The following CFDP1 variants were observed in gnomAD, a reference collection of about 807,000 sequenced individuals.
CFDP1 encodes the protein heterochromatin-stabilizing protein CFDP1.
Under a neutral mutation model 40.1 loss-of-function variants are expected in CFDP1, and 31 were observed. The observed-to-expected ratio is 0.77, with a 90% CI of 0.58 to 1.04. The LOEUF is 1.04. CFDP1 is among the 50% of genes least tolerant of loss of function. The pLI is 0.00. For missense variants in CFDP1, 423 were observed against 343.4 expected, an observed-to-expected ratio of 1.23 and a Z score of -1.83; for synonymous variants, 167 against 120.0, an observed-to-expected ratio of 1.39 and a Z score of -2.56.
chr16:75,351,931 C>T (rs369893067), intron 5 of CFDP1, among the ~76,000 whole-genome samples: 3 of 145,762 alleles, frequency 2.1e-5, no homozygotes, highest in African/African-American at 7.7e-5. Flanking sequence ...TCACTTGAAC[C>T]CGGGAGGTAG....
intron 5 of CFDP1, among the ~76,000 whole-genome samples, chr16:75,370,893 A>C (rs2078746783): frequency 6.6e-6 from 1 of 152,196 alleles, no homozygotes; most frequent in South Asian, 2.1e-4. Flanking sequence ...AAAAACTTAA[A>C]GATCCATTTG....
intron 5 of CFDP1, among the ~76,000 whole-genome samples, chr16:75,377,334 G>A (rs1399270196): frequency 1.3e-5 from 2 of 152,172 alleles, no homozygotes; most frequent in African/African-American, 4.8e-5. Flanking sequence ...ATTGAAGTGT[G>A]GAGTATAATT....
intron 5 of CFDP1, among the ~76,000 whole-genome samples, chr16:75,354,118 T>C (rs987538831): frequency 7.2e-5 from 11 of 152,224 alleles, no homozygotes; most frequent in African/African-American, 1.4e-4. Flanking sequence ...TATTATAAAA[T>C]AGACTTTGTG....
At chr16:75,427,564 T>A (rs1211714760) in intron 1 of CFDP1, among the ~76,000 whole-genome samples, 9 of 152,128 alleles carry the variant, frequency 5.9e-5, no homozygotes, top group Non-Finnish European at 1.3e-4. Flanking sequence ...AATTAGCTAA[T>A]ATTTAAAACA....
chr16:75,322,949 C>A (rs4888381), intron 5 of CFDP1, among the ~76,000 whole-genome samples: 129,145 of 152,082 alleles, frequency 0.85, 54,970 homozygotes, highest in Middle Eastern at 0.91. Context: ...GTGAATGTGA[C>A]GGCCAAGGAC....
chr16:75,376,844 G>A (rs1052188625), intron 5 of CFDP1, among the ~76,000 whole-genome samples: 1 of 152,202 alleles, frequency 6.6e-6, no homozygotes, highest in Admixed American at 6.5e-5. Flanking sequence ...CCTTCCCAGA[G>A]CAATGACCTG....
At chr16:75,414,529 G>A in intron 2 of CFDP1, 49 bp downstream of exon 2, 1 of 1,078,702 alleles carries the variant, frequency 9.3e-7, no homozygotes, top group East Asian at 2.4e-5. Flanking sequence ...CAATCAGGAT[G>A]GTTGTGACAA....
intron 5 of CFDP1, among the ~76,000 whole-genome samples, chr16:75,364,689 T>C (rs1008767534): frequency 1.3e-5 from 2 of 152,256 alleles, no homozygotes; most frequent in African/African-American, 4.8e-5. Flanking sequence ...TTGGAAAATA[T>C]ACTTATTTTT....
chr16:75,367,676 C>A (rs1288652132), intron 5 of CFDP1, among the ~76,000 whole-genome samples: 3 of 151,470 alleles, frequency 2.0e-5, no homozygotes, highest in Non-Finnish European at 4.4e-5. Context: ...GCCTGAAATC[C>A]CAGCTACTCA....
chr16:75,337,660 T>TGGGTG (rs1567649830), intron 5 of CFDP1, among the ~76,000 whole-genome samples: 1 of 152,004 alleles, frequency 6.6e-6, no homozygotes. Flanking sequence ...ACGTCTTACA[T>TGGGTG]GGGTGGCGCA....
intron 1 of CFDP1, among the ~76,000 whole-genome samples, chr16:75,427,146 G>C (rs897490173): frequency 1.3e-5 from 2 of 151,402 alleles, no homozygotes; most frequent in East Asian, 3.9e-4. Context: ...AATGGACAAA[G>C]AATTCAAAAG....
chr16:75,328,590 ACT>A (rs2078421216), intron 5 of CFDP1, among the ~76,000 whole-genome samples: 1 of 130,978 alleles, frequency 7.6e-6, no homozygotes, highest in African/African-American at 3.0e-5. Flanking sequence ...CAAGAATGAA[ACT>A]CTGTCTTAAA....
chr16:75,393,716 C>T (rs1213095888), intron 5 of CFDP1, among the ~76,000 whole-genome samples: 1 of 115,530 alleles, frequency 8.7e-6, no homozygotes, highest in Non-Finnish European at 1.7e-5. Flanking sequence ...CCGGCCTGGG[C>T]GACAGAGCGA....
At chr16:75,407,654 C>CAAAAAAAAAAAAAAA in intron 4 of CFDP1, among the ~76,000 whole-genome samples, 1 of 116,794 alleles carries the variant, frequency 8.6e-6, no homozygotes, top group Non-Finnish European at 1.7e-5. Context: ...GACCCTGTCT[C>CAAAAAAAAAAAAAAA]AAAAAAAAAA....
intron 4 of CFDP1, among the ~76,000 whole-genome samples, chr16:75,407,654 CA>C (rs11456525): frequency 0.39 from 45,590 of 116,346 alleles, 7,219 homozygotes; most frequent in African/African-American, 0.49. Context: ...GACCCTGTCT[CA>C]AAAAAAAAAA....
intron 5 of CFDP1, among the ~76,000 whole-genome samples, chr16:75,357,230 T>A (rs1328386126): frequency 6.6e-6 from 1 of 151,914 alleles, no homozygotes; most frequent in Non-Finnish European, 1.5e-5. Flanking sequence ...AGCTTCTTTC[T>A]TTTTTAAAAT....
chr16:75,389,941 A>G (rs182440395), intron 5 of CFDP1, among the ~76,000 whole-genome samples: 114 of 152,324 alleles, frequency 7.5e-4, no homozygotes, highest in African/African-American at 2.7e-3. Flanking sequence ...CTTGAAAGTC[A>G]TTCTGGATCT....
At chr16:75,360,466 T>C (rs2078673589) in intron 5 of CFDP1, among the ~76,000 whole-genome samples, 2 of 152,336 alleles carry the variant, frequency 1.3e-5, no homozygotes, top group South Asian at 4.1e-4. Flanking sequence ...AAAACTAATT[T>C]TGTAAAAATA....
intron 5 of CFDP1, among the ~76,000 whole-genome samples, chr16:75,360,702 G>C (rs1050668064): frequency 1.3e-5 from 2 of 152,058 alleles, no homozygotes; most frequent in Non-Finnish European, 2.9e-5. Flanking sequence ...CACAGAATAA[G>C]TCTTATTAAT....
Sources: gnomAD v4.1 joint callset for allele counts (sites outside exome capture counted in the v4.1 genomes callset) on GRCh38, gnomAD v4.1.1 for gene constraint, MANE v1.5 for transcripts, NCBI Gene and HGNC (gene_info 2026-07-23, HGNC 2026-07-21) for gene names.